The following MEIKIN variants were observed in gnomAD, a reference collection of about 807,000 sequenced individuals.
MEIKIN encodes meiotic kinetochore factor, also known as meiosis-specific kinetochore protein.
chr5:131,925,734 T>A (rs1000478428), intron 5 of MEIKIN, among the ~76,000 whole-genome samples: 1 of 152,172 alleles, frequency 6.6e-6, no homozygotes, highest in Non-Finnish European at 1.5e-5. Flanking sequence ...AGTGGCATGA[T>A]CCCGGCCCAC....
chr5:131,886,016 C>T (rs1169296877), intron 8 of MEIKIN, among the ~76,000 whole-genome samples: 1 of 152,062 alleles, frequency 6.6e-6, no homozygotes, highest in African/African-American at 2.4e-5. Context: ...ATGCAACTGA[C>T]ACGTTGAAGA....
intron 5 of MEIKIN, among the ~76,000 whole-genome samples, chr5:131,928,808 T>A (rs944680250): frequency 1.9e-4 from 29 of 152,160 alleles, no homozygotes; most frequent in African/African-American, 7.0e-4. Context: ...AAAACAAAAA[T>A]TGACAAATGG....
chr5:131,912,466 C>G (rs967880240), intron 7 of MEIKIN, among the ~76,000 whole-genome samples: 2 of 151,866 alleles, frequency 1.3e-5, no homozygotes, highest in Non-Finnish European at 2.9e-5. Context: ...AAAGGACTAG[C>G]TATCACAAAA....
At chr5:131,846,562 A>G (rs1400783386) in intron 11 of MEIKIN, among the ~76,000 whole-genome samples, 1 of 152,228 alleles carries the variant, frequency 6.6e-6, no homozygotes, top group Non-Finnish European at 1.5e-5. Flanking sequence ...TTGACTGGGC[A>G]TGGTGGCTGA....
chr5:131,828,358 T>C (rs1749650806), intron 11 of MEIKIN, among the ~76,000 whole-genome samples: 3 of 152,128 alleles, frequency 2.0e-5, no homozygotes, highest in Admixed American at 2.0e-4. Context: ...AGAGGGGATT[T>C]CACCATGTTG....
chr5:131,935,896 G>A (rs1485780130), intron 4 of MEIKIN, among the ~76,000 whole-genome samples: 1 of 152,030 alleles, frequency 6.6e-6, no homozygotes, highest in Non-Finnish European at 1.5e-5. Flanking sequence ...TGTCAGAGTA[G>A]TAGGCTTTCC....
chr5:131,895,809 C>T, intron 8 of MEIKIN, among the ~76,000 whole-genome samples: 1 of 152,056 alleles, frequency 6.6e-6, no homozygotes, highest in Non-Finnish European at 1.5e-5. Flanking sequence ...AGTGGTCTAT[C>T]AATTTTGTTG....
chr5:131,888,776 G>C (rs887872505), intron 8 of MEIKIN, among the ~76,000 whole-genome samples: 3 of 152,166 alleles, frequency 2.0e-5, no homozygotes, highest in Admixed American at 2.0e-4. Context: ...TAGACATGAA[G>C]TCCTTGCCCA....
At chr5:131,862,062 A>G (rs1318509740) in intron 9 of MEIKIN, among the ~76,000 whole-genome samples, 1 of 152,162 alleles carries the variant, frequency 6.6e-6, no homozygotes, top group Non-Finnish European at 1.5e-5. Flanking sequence ...AGAATTTGGC[A>G]CTGAATCCAT....
intron 11 of MEIKIN, among the ~76,000 whole-genome samples, chr5:131,838,400 A>T (rs933117904): frequency 2.3e-4 from 35 of 151,794 alleles, no homozygotes; most frequent in Non-Finnish European, 3.4e-4. Flanking sequence ...CTCATTTTCA[A>T]TTTTTTTTAA....
chr5:131,941,142 CTTTTTTTTTTTTTTTTT>C lies in MEIKIN; in HGVS notation c.349+1476_349+1492del, dbSNP rs397999274. 1.0e-4 allele frequency among the ~76,000 whole-genome samples: 6 copies of C among 59,692 alleles called. No homozygotes were observed. In the East Asian group the frequency reaches 1.5e-3, roughly 15 times the overall value. 39.2% of individuals were successfully genotyped at this position (59,692 alleles called of 152,430 possible). A position where few individuals can be genotyped will look rare whatever the true frequency, so the allele number is the denominator to read the frequency against. On this transcript the variant is annotated intron_variant, in intron 4 of 12. Transcript: ENST00000442687. ...TTGACAATTCCTTCAAGATCTCTTC[CTTTTTTTTTTTTTTTTT>C]TTTTTTTTTTTTTTTTGTGACGAAG...
intron 8 of MEIKIN, among the ~76,000 whole-genome samples, chr5:131,893,095 T>A (rs942093747): frequency 4.6e-5 from 7 of 152,240 alleles, no homozygotes; most frequent in African/African-American, 1.4e-4. Context: ...CAGAGGAGTA[T>A]GCGGCCATGT....
chr5:131,864,307 C>T (rs1457655644), intron 9 of MEIKIN, among the ~76,000 whole-genome samples: 1 of 152,052 alleles, frequency 6.6e-6, no homozygotes, highest in Non-Finnish European at 1.5e-5. Flanking sequence ...GTCCTTTCTC[C>T]TCCTCCTTTG....
intron 8 of MEIKIN, among the ~76,000 whole-genome samples, chr5:131,911,525 G>T (rs4493667): frequency 0.22 from 32,578 of 151,118 alleles, 3,749 homozygotes; most frequent in East Asian, 0.48. Flanking sequence ...ACAAGGGGAG[G>T]AAAAGTGTAT....
chr5:131,869,202 C>A (rs1032512210), intron 9 of MEIKIN, among the ~76,000 whole-genome samples: 5 of 152,248 alleles, frequency 3.3e-5, no homozygotes, highest in African/African-American at 1.2e-4. Context: ...ATTTGGGGGT[C>A]CAGTTATTCA....
chr5:131,875,312 C>T (rs890687801), intron 9 of MEIKIN, among the ~76,000 whole-genome samples: 8 of 152,290 alleles, frequency 5.3e-5, no homozygotes, highest in African/African-American at 1.9e-4. Context: ...GATACAAAAT[C>T]AATGTACAAA....
rs79165583 is a variant in MEIKIN at position 131,926,069 on chromosome 5, A to G, written c.479-4128T>C. 3.5e-3 allele frequency among the ~76,000 whole-genome samples: 539 copies of G among 152,182 alleles called. 5 individuals are homozygous for G. Among genetic ancestry groups the G allele is most frequent in the African/African-American group, 0.012 (510 of 41,530 alleles). On this transcript the variant is annotated intron_variant, in intron 5 of 12. Transcript: ENST00000442687. ...AGACGCTTTTATTTTTTTGTTGCCT[A>G]ATTGCTGTGACTAGGACTATGCTGA... is the stretch of plus-strand genomic sequence containing the variant.
chr5:131,901,487 T>G (rs1026332059), intron 8 of MEIKIN, among the ~76,000 whole-genome samples: 4 of 152,096 alleles, frequency 2.6e-5, no homozygotes, highest in Admixed American at 6.5e-5. Context: ...GCCAGCACCC[T>G]GCCATAATCA....
chr5:131,855,126 C>A (rs1053596457), intron 9 of MEIKIN, among the ~76,000 whole-genome samples: 3 of 152,108 alleles, frequency 2.0e-5, no homozygotes, highest in Non-Finnish European at 4.4e-5. Context: ...GAAAGAAAAG[C>A]TAATTAGAGT....
Sources: gnomAD v4.1 joint callset for allele counts (sites outside exome capture counted in the v4.1 genomes callset) on GRCh38, gnomAD v4.1.1 for gene constraint, MANE v1.5 for transcripts, NCBI Gene and HGNC (gene_info 2026-07-23, HGNC 2026-07-21) for gene names.